The following OXSR1 variants were observed in gnomAD, a reference collection of about 807,000 sequenced individuals.
OXSR1 encodes the protein serine/threonine-protein kinase OSR1.
A neutral mutation model predicts 79.8 loss-of-function variants in OXSR1; 24 were observed. The observed-to-expected ratio is 0.30, with a 90% CI of 0.22 to 0.42. The LOEUF is 0.42. OXSR1 is among the 10% of genes least tolerant of loss of function. The pLI, the probability that OXSR1 is intolerant of heterozygous loss-of-function variation, is 1.00. For missense variants in OXSR1, 430 were observed against 618.4 expected (o/e 0.70, Z 3.23); for synonymous variants, 226 against 209.2 (o/e 1.08, Z -0.69).
intron 3 of OXSR1, among the ~76,000 whole-genome samples, chr3:38,193,628 T>TG (rs371209084): frequency 1.3e-4 from 19 of 151,934 alleles, no homozygotes; most frequent in African/African-American, 4.4e-4. Context: ...TTTTTTTTTT[T>TG]TTTAAGAATT....
At chr3:38,231,708 AT>A (rs1407369972) in intron 10 of OXSR1, among the ~76,000 whole-genome samples, 1 of 152,156 alleles carries the variant, frequency 6.6e-6, no homozygotes, top group Non-Finnish European at 1.5e-5. Context: ...ATATGTATAT[AT>A]TTTTATGCTT....
intron 4 of OXSR1, among the ~76,000 whole-genome samples, chr3:38,212,377 C>CT (rs756107374): frequency 2.2e-4 from 34 of 152,296 alleles, no homozygotes; most frequent in South Asian, 4.1e-4. Context: ...TCCTCTTTGA[C>CT]TTCTAGGATT....
intron 3 of OXSR1, chr3:38,193,511 T>G (rs1246139184): frequency 2.7e-6 from 2 of 750,250 alleles, no homozygotes; most frequent in Non-Finnish European, 3.9e-6. Flanking sequence ...TTTAATGTTT[T>G]GCAAAAAAGT....
chr3:38,189,608 C>T (rs958295489), intron 2 of OXSR1, among the ~76,000 whole-genome samples: 2 of 152,180 alleles, frequency 1.3e-5, no homozygotes, highest in African/African-American at 4.8e-5. Flanking sequence ...TCTTATTGAA[C>T]AAATCCCAAG....
rs537446681 is a variant in OXSR1 at position 38,184,204 on chromosome 3, G to T, written c.183+1089G>T. On this transcript the variant is annotated intron_variant, in intron 2 of 17. Coordinates refer to ENST00000311806, the MANE Select transcript of OXSR1 (RefSeq NM_005109.3). ...GGGAATAATTGGAATTAAAGAAAAA[G>T]AGGTAATGGAATTATATATTGCATA... is the stretch of plus-strand genomic sequence containing the variant. 3.9e-5 allele frequency among the ~76,000 whole-genome samples: 6 copies of T among 152,220 alleles called. No individual in the cohort carries two copies. The South Asian group carries it at 1.0e-3, about 26-fold the overall frequency.
chr3:38,247,017 A>T (rs553001618), intron 13 of OXSR1, among the ~76,000 whole-genome samples: 57 of 150,398 alleles, frequency 3.8e-4, no homozygotes, highest in African/African-American at 1.4e-3. Flanking sequence ...GCCTTTGGAG[A>T]TCACTGCTTT....
At chr3:38,200,409 CAT>C (rs1382341618) in intron 4 of OXSR1, among the ~76,000 whole-genome samples, 2 of 152,282 alleles carry the variant, frequency 1.3e-5, no homozygotes, top group East Asian at 3.9e-4. Flanking sequence ...ACTCAGGAAA[CAT>C]AATGCCATGT....
At chr3:38,244,664 T>TGCGC (rs748992538) in intron 12 of OXSR1, among the ~76,000 whole-genome samples, 10 of 130,494 alleles carry the variant, frequency 7.7e-5, no homozygotes, top group Non-Finnish European at 1.6e-4. Context: ...TGTGTGTGTG[T>TGCGC]GTGCGTGCGC....
chr3:38,223,271 G>A (rs190819379), intron 6 of OXSR1, among the ~76,000 whole-genome samples: 5 of 152,032 alleles, frequency 3.3e-5, no homozygotes, highest in Non-Finnish European at 5.9e-5. Context: ...GTAGGCATAC[G>A]TCACCACTCC....
At chr3:38,189,314 CTCT>C (rs990070776) in intron 2 of OXSR1, among the ~76,000 whole-genome samples, 6 of 152,258 alleles carry the variant, frequency 3.9e-5, no homozygotes, top group African/African-American at 1.4e-4. Context: ...CCTATATGCT[CTCT>C]TATCTGTTTC....
chr3:38,209,716 G>A (rs1005207749), intron 4 of OXSR1, among the ~76,000 whole-genome samples: 2 of 149,524 alleles, frequency 1.3e-5, no homozygotes, highest in African/African-American at 2.5e-5. Flanking sequence ...CTCACTGTAA[G>A]TTCTGCCTCC....
chr3:38,252,760 G>T, intron 17 of OXSR1, 57 bp from the exon 18 acceptor site: 1 of 1,394,124 alleles, frequency 7.2e-7, no homozygotes, highest in Non-Finnish European at 1.0e-6. Context: ...TGTTTTATTT[G>T]CTACCTGCAA....
At chr3:38,164,805 G>A (rs1179524431), upstream of OXSR1, among the ~76,000 whole-genome samples, 1 of 152,176 alleles carries the variant, frequency 6.6e-6, no homozygotes, top group South Asian at 2.1e-4. Context: ...AACCCGCCCA[G>A]TGCAGGGTGG....
chr3:38,197,951 T>A (rs1340665762), intron 3 of OXSR1, among the ~76,000 whole-genome samples: 2 of 152,230 alleles, frequency 1.3e-5, no homozygotes, highest in Non-Finnish European at 2.9e-5. Context: ...TTGTTTTGGT[T>A]CTGTGATTGT....
At chr3:38,244,654 T>TGTGTGTGTGC (rs1553639091) in intron 12 of OXSR1, among the ~76,000 whole-genome samples, 16 of 134,696 alleles carry the variant, frequency 1.2e-4, no homozygotes, top group Admixed American at 8.2e-4. Flanking sequence ...TGTGTGTGTG[T>TGTGTGTGTGC]GTGTGTGTGT....
chr3:38,203,163 A>G (rs547940240), intron 4 of OXSR1, among the ~76,000 whole-genome samples: 3 of 152,310 alleles, frequency 2.0e-5, no homozygotes, highest in African/African-American at 7.2e-5. Context: ...GATCTTTCTT[A>G]TAAGTGCGTA....
At chr3:38,211,955 G>T (rs995918749) in intron 4 of OXSR1, among the ~76,000 whole-genome samples, 1 of 152,184 alleles carries the variant, frequency 6.6e-6, no homozygotes, top group East Asian at 1.9e-4. Flanking sequence ...CGCAGCATTC[G>T]CCATTTAGCT....
chr3:38,167,499 C>A (rs538916021), intron 1 of OXSR1, among the ~76,000 whole-genome samples: 1 of 152,220 alleles, frequency 6.6e-6, no homozygotes, highest in Non-Finnish European at 1.5e-5. Flanking sequence ...GACTTCCTAG[C>A]TGCCTTGGGG....
intron 3 of OXSR1, among the ~76,000 whole-genome samples, chr3:38,197,286 C>G (rs557626039): frequency 7.9e-5 from 12 of 152,316 alleles, no homozygotes; most frequent in Non-Finnish European, 8.8e-5. Context: ...CTGCCTATCT[C>G]CTATTGGAGG....
Sources: gnomAD v4.1 joint callset for allele counts (sites outside exome capture counted in the v4.1 genomes callset) on GRCh38, gnomAD v4.1.1 for gene constraint, MANE v1.5 for transcripts, NCBI Gene and HGNC (gene_info 2026-07-23, HGNC 2026-07-21) for gene names.